The following USH2A variants were observed in gnomAD, a reference collection of about 807,000 sequenced individuals.
USH2A encodes the protein usherin, also known as Usher syndrome 2A (autosomal recessive, mild).
USH2A carries 443 observed loss-of-function variants against 538.9 expected under a neutral mutation model. That is an observed-to-expected ratio of 0.82 (90% CI 0.76 to 0.89). The LOEUF is 0.89. Among genes scored for constraint, USH2A ranks in the 40% least tolerant of loss-of-function variants. USH2A has a pLI of 0.00. For synonymous variants in USH2A, 2,413 were observed against 2,273.5 expected, an observed-to-expected ratio of 1.06 and a Z score of -1.75; for missense variants, 6,633 against 6,324.8, an observed-to-expected ratio of 1.05 and a Z score of -1.65.
chr1:215,717,891 A>G (rs1317928924), intron 61 of USH2A, among the ~76,000 whole-genome samples: 2 of 152,248 alleles, frequency 1.3e-5, no homozygotes, highest in Non-Finnish European at 2.9e-5. Context: ...GCATAACATC[A>G]GGCGAGAAAG....
chr1:216,312,165 T>A (rs1309272775), intron 9 of USH2A, among the ~76,000 whole-genome samples: 1 of 150,570 alleles, frequency 6.6e-6, no homozygotes, highest in African/African-American at 2.5e-5. Context: ...TACAGAATTC[T>A]AGGTGGATTT....
At chr1:215,704,281 T>C (rs1659117013) in intron 61 of USH2A, among the ~76,000 whole-genome samples, 1 of 152,210 alleles carries the variant, frequency 6.6e-6, no homozygotes, top group African/African-American at 2.4e-5. Context: ...GGGAATCCCC[T>C]ACTTCTGCTT....
intron 21 of USH2A, among the ~76,000 whole-genome samples, chr1:216,152,610 G>C (rs568509803): frequency 2.0e-5 from 3 of 152,076 alleles, no homozygotes; most frequent in Admixed American, 6.5e-5. Flanking sequence ...GACTCAGCCC[G>C]CCTGCACCCA....
At chr1:215,909,155 T>A (rs1296117455) in intron 38 of USH2A, among the ~76,000 whole-genome samples, 1 of 151,752 alleles carries the variant, frequency 6.6e-6, no homozygotes, top group Non-Finnish European at 1.5e-5. Flanking sequence ...CTAGCACTAT[T>A]CCATAACCTG....
chr1:216,007,105 A>G (rs1294111838), intron 32 of USH2A, among the ~76,000 whole-genome samples: 2 of 151,858 alleles, frequency 1.3e-5, no homozygotes, highest in African/African-American at 4.8e-5. Flanking sequence ...CTTGGCTCTC[A>G]TTTCTGTCTT....
intron 9 of USH2A, among the ~76,000 whole-genome samples, chr1:216,317,116 G>A (rs1230385645): frequency 6.6e-6 from 1 of 152,098 alleles, no homozygotes; most frequent in Non-Finnish European, 1.5e-5. Context: ...CACTGTTGGT[G>A]GGAGTATAAA....
intron 20 of USH2A, among the ~76,000 whole-genome samples, chr1:216,179,680 G>A (rs981568533): frequency 1.3e-5 from 2 of 151,908 alleles, no homozygotes; most frequent in African/African-American, 4.8e-5. Context: ...AAACTAGACT[G>A]GTCTCACATA....
intron 21 of USH2A, among the ~76,000 whole-genome samples, chr1:216,161,979 G>C (rs1450099006): frequency 1.3e-5 from 2 of 151,842 alleles, no homozygotes; most frequent in African/African-American, 4.8e-5. Context: ...GTTTTTCTTT[G>C]TCTTTTATTT....
intron 56 of USH2A, among the ~76,000 whole-genome samples, chr1:215,765,934 A>C (rs1277706862): frequency 6.6e-6 from 1 of 152,186 alleles, no homozygotes; most frequent in African/African-American, 2.4e-5. Context: ...TAAATGCTTC[A>C]ATAAACATCC....
intron 60 of USH2A, among the ~76,000 whole-genome samples, chr1:215,739,591 G>A (rs1660245833): frequency 6.6e-6 from 1 of 152,216 alleles, no homozygotes; most frequent in Admixed American, 6.5e-5. Flanking sequence ...TTTAGAGCCT[G>A]CACTAATGTG....
chr1:216,068,534 A>C (rs1160809495), intron 30 of USH2A, among the ~76,000 whole-genome samples: 3 of 152,110 alleles, frequency 2.0e-5, no homozygotes, highest in Admixed American at 6.6e-5. Flanking sequence ...TAAGTTCCCA[A>C]GTGAAGCTAG....
At position 216,175,439 on chromosome 1, in the gene USH2A, G is replaced by T. The variant is rs111632670; in HGVS notation, c.4440C>A (p.Ser1480Arg). 20 of 1,613,656 alleles carry T rather than the reference G, an allele frequency of 1.2e-5. No homozygotes were observed. The South Asian group carries it at 2.1e-4, about 17-fold the overall frequency. Residue 1480 changes from serine to arginine, a missense_variant, in exon 21 of 72, where the codon AGC becomes AGA. Transcript: ENST00000307340. ...LRPPLVKGIN[S>R]TTIHLRWFPP... Reference sequence around the variant, plus strand: ...GAAACCACCTAAGATGGATTGTTGTGCTGTTGATTCCTTTAACCAGAGGTG... The same window carrying T: ...GAAACCACCTAAGATGGATTGTTGTTCTGTTGATTCCTTTAACCAGAGGTG...
At chr1:216,390,862 G>A (rs867778782) in intron 3 of USH2A, among the ~76,000 whole-genome samples, 14 of 151,972 alleles carry the variant, frequency 9.2e-5, no homozygotes, top group South Asian at 2.1e-4. Flanking sequence ...ATCATTACTC[G>A]TCAGATTTAT....
chr1:216,233,047 C>T (rs761103278), intron 13 of USH2A, among the ~76,000 whole-genome samples: 4 of 152,160 alleles, frequency 2.6e-5, no homozygotes, highest in Non-Finnish European at 5.9e-5. Context: ...ATCTATTCTT[C>T]GTAGCAGTCT....
At position 216,289,285 on chromosome 1, in the gene USH2A, C is replaced by T. The variant is rs146824138; in HGVS notation, c.1966G>A (p.Asp656Asn). 1,246 of 1,613,836 alleles carry T rather than the reference C, an allele frequency of 7.7e-4. No homozygotes were observed. The highest frequency in any genetic ancestry group is 9.7e-4 in the Non-Finnish European group (1,147 of 1,179,760). The change falls in exon 11 of 72, where the codon GAT becomes AAT. Residue 656 changes from aspartate to asparagine, a missense_variant. By Grantham distance (23) the Asp-to-Asn change is conservative. Transcript: ENST00000307340. Reference sequence around the variant, plus strand: ...AAATACTCAGAAAAACTCACCTGATCACAAAGAATGCTACCATTTCTAGTG... The same window carrying T: ...AAATACTCAGAAAAACTCACCTGATTACAAAGAATGCTACCATTTCTAGTG... ...VGTRNGSILC[D>N]QIGGQCNCKR...
chr1:216,379,036 C>T (rs1174667715), intron 3 of USH2A, among the ~76,000 whole-genome samples: 1 of 152,148 alleles, frequency 6.6e-6, no homozygotes, highest in Non-Finnish European at 1.5e-5. Context: ...TAGTCCCATT[C>T]ACCTGCCTTC....
rs1215260127 is a variant in USH2A, at chr1:215,640,583, G to A, written c.14943C>T (p.Leu4981=). 12 of 1,613,950 alleles carry A rather than the reference G, an allele frequency of 7.4e-6. No homozygotes were observed. In the South Asian group the frequency reaches 1.1e-4, roughly 15 times the overall value. The change falls in exon 68 of 72, where the codon CTC becomes CTT. Residue 4981 remains leucine, a synonymous_variant. Transcript: ENST00000307340. ...RRVYSGLDTT[L]YIPRTADKTF... ...TTTTGTCCGCCGTTCTCGGTATGTA[G>A]AGGGTGGTGTCCAAGCCGCTGTACA...
chr1:215,900,006 A>C, intron 40 of USH2A, 69 bp downstream of exon 40: 2 of 1,609,732 alleles, frequency 1.2e-6, no homozygotes, highest in Non-Finnish European at 1.7e-6. Flanking sequence ...TTTGCTTTGG[A>C]AAAAATTGAA....
chr1:216,000,638 T>A (rs746851524), intron 32 of USH2A, 76 bp from the exon 33 acceptor site: 4 of 1,551,416 alleles, frequency 2.6e-6, no homozygotes, highest in Non-Finnish European at 2.7e-6. Flanking sequence ...TCCACTATAG[T>A]CCTATCTCAG....
Sources: gnomAD v4.1 joint callset for allele counts (sites outside exome capture counted in the v4.1 genomes callset) on GRCh38, gnomAD v4.1.1 for gene constraint, MANE v1.5 for transcripts, NCBI Gene and HGNC (gene_info 2026-07-23, HGNC 2026-07-21) for gene names.